Variants in MTSS1 observed in about 807,000 individuals in gnomAD.
MTSS1 encodes protein MTSS 1.
A neutral mutation model predicts 79.0 loss-of-function variants in MTSS1; 18 were observed. The ratio of observed to expected loss-of-function variants is 0.23; its 90% CI spans 0.16 to 0.34. The LOEUF (loss-of-function observed/expected upper bound fraction) is 0.34, where lower values mean the gene tolerates loss of function less well. Among genes scored for constraint, MTSS1 ranks in the 10% least tolerant of loss-of-function variants. The pLI, the probability that MTSS1 is intolerant of heterozygous loss-of-function variation, is 1.00. For synonymous variants in MTSS1, 341 were observed against 368.6 expected, an observed-to-expected ratio of 0.93 and a Z score of 0.86; for missense variants, 815 against 986.2, an observed-to-expected ratio of 0.83 and a Z score of 2.33.
intron 1 of MTSS1, among the ~76,000 whole-genome samples, chr8:124,713,776 G>A (rs1273989846): frequency 5.3e-5 from 8 of 152,024 alleles, no homozygotes; most frequent in Admixed American, 3.3e-4. Context: ...CTGGAGTGCA[G>A]TGGCACAATA....
chr8:124,571,587 A>G (rs1827783933), intron 6 of MTSS1, among the ~76,000 whole-genome samples: 1 of 152,218 alleles, frequency 6.6e-6, no homozygotes, highest in Non-Finnish European at 1.5e-5. Context: ...TGGTGAACAG[A>G]AGTCGGGAGA....
intron 3 of MTSS1, among the ~76,000 whole-genome samples, chr8:124,653,702 C>A (rs1417101533): frequency 6.6e-6 from 1 of 151,882 alleles, no homozygotes; most frequent in African/African-American, 2.4e-5. Flanking sequence ...CCAGCCTGGG[C>A]AACAGAGCAA....
chr8:124,708,476 T>C (rs1830699345), intron 1 of MTSS1, among the ~76,000 whole-genome samples: 1 of 152,102 alleles, frequency 6.6e-6, no homozygotes, highest in Admixed American at 6.6e-5. Context: ...AGCATCTGCA[T>C]CTCCCTATTA....
chr8:124,563,025 A>T (rs911447761), intron 9 of MTSS1, 33 bp from the exon 10 acceptor site: 1 of 1,561,626 alleles, frequency 6.4e-7, no homozygotes, highest in African/African-American at 1.4e-5. Context: ...AGGGGTGGGC[A>T]CGGAAGGTAA....
At chr8:124,556,130 C>T (rs760227769) in intron 12 of MTSS1, 102 bp downstream of exon 12, 2 of 1,577,698 alleles carry the variant, frequency 1.3e-6, no homozygotes, top group Non-Finnish European at 1.7e-6. Flanking sequence ...GCCCAGGTCC[C>T]TCCAGCTGCA....
chr8:124,646,031 A>C (rs1466572412), intron 3 of MTSS1, among the ~76,000 whole-genome samples: 1 of 152,182 alleles, frequency 6.6e-6, no homozygotes, highest in Non-Finnish European at 1.5e-5. Context: ...AAAATAAAAC[A>C]CACTTTAAAA....
intron 2 of MTSS1, among the ~76,000 whole-genome samples, chr8:124,701,997 A>G (rs1269466315): frequency 6.6e-6 from 1 of 152,224 alleles, no homozygotes; most frequent in African/African-American, 2.4e-5. Context: ...TCAGGACAAA[A>G]CATTGTTTAA....
At position 124,556,236 on chromosome 8, in the gene MTSS1, G is replaced by C; in HGVS notation, c.1400C>G (p.Thr467Ser). The C allele has an allele frequency of 6.2e-7, 1 of 1,614,188 alleles. No individual in the cohort carries two copies. The highest frequency in any genetic ancestry group is 8.5e-7 in the Non-Finnish European group (1 of 1,180,018). ...RPRSMTVSAATRPGEEMEACE... is the reference protein window; with the variant it reads ...RPRSMTVSAASRPGEEMEACE... ...TACTGAGAACAAGAGCATCACCCTG[G>C]TGGCAGCCGATACAGTCATGCTCCG... is the stretch of plus-strand genomic sequence containing the variant. The change falls in exon 12 of 14, where the codon ACC (threonine) becomes AGC (serine). Residue 467 changes from threonine (T) to serine (S), a missense_variant. By Grantham distance (58) the Thr-to-Ser change is moderately conservative (BLOSUM62 1). Transcript: ENST00000518547.
At chr8:124,566,763 A>C (rs1826583853) in intron 8 of MTSS1, among the ~76,000 whole-genome samples, 1 of 152,174 alleles carries the variant, frequency 6.6e-6, no homozygotes, top group Non-Finnish European at 1.5e-5. Context: ...CAGTTCCACT[A>C]CCTGCTAGCT....
chr8:124,727,923 C>T lies in MTSS1; in HGVS notation c.33G>A (p.Ala11=). 1 of 1,610,150 alleles carries T rather than the reference C, an allele frequency of 6.2e-7. No homozygotes were observed. Among genetic ancestry groups the T allele is most frequent in the Non-Finnish European group, 8.5e-7 (1 of 1,178,588 alleles). Reference sequence around the variant, plus strand: ...TGATGGTCTGGAAGAGGCCTCCGAGCGCGCTGCATTCCTTCTCAATCACAG... The same window carrying T: ...TGATGGTCTGGAAGAGGCCTCCGAGTGCGCTGCATTCCTTCTCAATCACAG... The part of the protein sequence containing the change: MEAVIEKECS[A]LGGLFQTIIS... Residue 11 remains alanine, a synonymous_variant, in exon 1 of 14, where the codon GCG becomes GCA. Transcript: ENST00000518547. This position sits in a 1 kb window ranked among gnomAD's most constrained non-coding sequence, Gnocchi z 4.7.
intron 3 of MTSS1, among the ~76,000 whole-genome samples, chr8:124,682,626 G>A (rs1379148142): frequency 6.6e-6 from 1 of 152,208 alleles, no homozygotes; most frequent in African/African-American, 2.4e-5. Context: ...TGATGCAGAA[G>A]GAAGCCTGGA....
At chr8:124,622,944 A>G (rs1404226673) in intron 3 of MTSS1, among the ~76,000 whole-genome samples, 1 of 152,240 alleles carries the variant, frequency 6.6e-6, no homozygotes, top group Non-Finnish European at 1.5e-5. Flanking sequence ...TGACCCGGAA[A>G]GTAGGGAGAT....
chr8:124,615,223 T>A (rs1195137251), intron 3 of MTSS1, among the ~76,000 whole-genome samples: 1 of 151,978 alleles, frequency 6.6e-6, no homozygotes, highest in Non-Finnish European at 1.5e-5. Flanking sequence ...TGGAAATGGC[T>A]TCAGGAAAGC....
At chr8:124,617,459 A>G (rs931112879) in intron 3 of MTSS1, among the ~76,000 whole-genome samples, 5 of 152,206 alleles carry the variant, frequency 3.3e-5, no homozygotes, top group Non-Finnish European at 5.9e-5. Context: ...TTCATTTCTT[A>G]TGAGAGAACC....
At chr8:124,576,432 A>C (rs1828970674) in intron 6 of MTSS1, among the ~76,000 whole-genome samples, 1 of 152,122 alleles carries the variant, frequency 6.6e-6, no homozygotes. Flanking sequence ...GTCATAACTG[A>C]ATAGGACAGC....
At chr8:124,650,661 C>G (rs772357987) in intron 3 of MTSS1, among the ~76,000 whole-genome samples, 1 of 152,194 alleles carries the variant, frequency 6.6e-6, no homozygotes, top group South Asian at 2.1e-4. Flanking sequence ...TGCAACTGAT[C>G]CTAACAAACA....
chr8:124,615,736 T>A lies in MTSS1; in HGVS notation c.209-24501A>T, dbSNP rs564536682. ...CCACAACTAAAAATTAAAATTTTTT[T>A]AAAAACCAATGATCTCATTATAGCT... On this transcript the variant is annotated intron_variant, in intron 3 of 13. Coordinates refer to ENST00000518547, the MANE Select transcript of MTSS1 (RefSeq NM_014751.6). 1.8e-4 allele frequency among the ~76,000 whole-genome samples: 27 copies of A among 152,268 alleles called. No individual in the cohort carries two copies. The South Asian group carries it at 3.9e-3, about 22-fold the overall frequency.
At chr8:124,615,177 T>C (rs1033885005) in intron 3 of MTSS1, among the ~76,000 whole-genome samples, 3 of 151,958 alleles carry the variant, frequency 2.0e-5, no homozygotes, top group African/African-American at 7.3e-5. Context: ...GTGAGAGGAT[T>C]AGGTTAGAGC....
intron 3 of MTSS1, among the ~76,000 whole-genome samples, chr8:124,614,696 G>A (rs941792824): frequency 2.6e-5 from 4 of 152,214 alleles, no homozygotes; most frequent in African/African-American, 7.2e-5. Context: ...ACCTGACCAT[G>A]TCCCATAACA....
Sources: allele counts gnomAD v4.1 joint callset (sites outside exome capture counted in the v4.1 genomes callset), GRCh38; gene constraint gnomAD v4.1.1; non-coding constraint Gnocchi (gnomAD v3.1); transcripts MANE v1.5; gene names NCBI Gene and HGNC (gene_info 2026-07-23, HGNC 2026-07-21).